DNHD1: variants seen among roughly 807,000 people sequenced by gnomAD.
DNHD1 encodes the protein dynein heavy chain domain 1.
A neutral mutation model predicts 458.1 loss-of-function variants in DNHD1; 383 were observed. That is an observed-to-expected ratio of 0.84 (90% CI 0.77 to 0.91). The LOEUF is 0.91. Among genes scored for constraint, DNHD1 ranks in the 40% least tolerant of loss-of-function variants. DNHD1 has a pLI of 0.00. For synonymous variants in DNHD1, 2,203 were observed against 2,376.9 expected (o/e 0.93, Z 2.13); for missense variants, 5,336 against 5,866.1 (o/e 0.91, Z 2.95).
At chr11:6,520,778 T>C (rs927295259) in intron 10 of DNHD1, 2 of 995,134 alleles carry the variant, frequency 2.0e-6, no homozygotes, top group Non-Finnish European at 2.4e-6. Context: ...TTCACACTTA[T>C]TAACCATCAG....
Position 6,571,624 on chromosome 11 carries a change from T to C in DNHD1, c.13912-12T>C. On this transcript the variant is annotated splice_polypyrimidine_tract_variant and intron_variant, in intron 42 of 42. Transcript: ENST00000254579. This position sits in a 1 kb window ranked among gnomAD's most constrained non-coding sequence, Gnocchi z 5.0. ...TTCCTAGCCTTGCCTGACCAGCTTC[T>C]GACGCCCCCAGGTGGAGAATGGTCC... The C allele has an allele frequency of 6.5e-7, 1 of 1,546,760 alleles. No homozygotes were observed. The highest frequency in any genetic ancestry group is 8.7e-7 in the Non-Finnish European group (1 of 1,143,046).
Position 6,546,214 on chromosome 11 carries a change from C to T in DNHD1, c.5275C>T (p.Leu1759=). The change falls in exon 21 of 43, where the codon CTG becomes TTG. Residue 1759 remains leucine, a synonymous_variant. Transcript: ENST00000254579. ...LSALGQRLGE[L]HHLYAPLYQE... ...TGCCCTGGGCCAGCGCCTGGGTGAA[C>T]TGCACCACTTGTATGCCCCACTGTA... The T allele has an allele frequency of 6.4e-7, 1 of 1,551,490 alleles. No individual in the cohort carries two copies.
chr11:6,503,040 ACTC>A (rs1453117084), intron 4 of DNHD1, 114 bp downstream of exon 4: 18 of 1,138,916 alleles, frequency 1.6e-5, no homozygotes, highest in Non-Finnish European at 2.0e-5. Flanking sequence ...TTCTCCACAT[ACTC>A]CTCCTCTGAC....
intron 7 of DNHD1, among the ~76,000 whole-genome samples, chr11:6,517,185 G>A (rs1405420039): frequency 6.6e-6 from 1 of 152,322 alleles, no homozygotes; most frequent in Non-Finnish European, 1.5e-5. Flanking sequence ...TATATTCAAG[G>A]TGTACAATGT....
chr11:6,546,830 G>T lies in DNHD1; in HGVS notation c.5891G>T (p.Gly1964Val). 1 of 1,551,828 alleles carries T rather than the reference G, an allele frequency of 6.4e-7. No individual in the cohort carries two copies. The highest frequency in any genetic ancestry group is 8.7e-7 in the Non-Finnish European group (1 of 1,147,022). Residue 1964 changes from glycine (G) to valine (V), a missense_variant, in exon 21 of 43, where the codon GGT becomes GTT. By Grantham distance (109) the Gly-to-Val change is moderately radical. Coordinates refer to ENST00000254579, the MANE Select transcript of DNHD1 (RefSeq NM_144666.3). Reference sequence around the variant, plus strand: ...GTGGTGGAGGAACTGCAACAGGTAGGTCTGGATCCCAGCCCTGACATTTTG... The same window carrying T: ...GTGGTGGAGGAACTGCAACAGGTAGTTCTGGATCCCAGCCCTGACATTTTG... ...PLVVEELQQVGLDPSPDILGS... is the reference protein window; with the variant it reads ...PLVVEELQQVVLDPSPDILGS...
chr11:6,512,235 T>TC (rs1564997080), intron 7 of DNHD1, among the ~76,000 whole-genome samples: 1 of 131,954 alleles, frequency 7.6e-6, no homozygotes, highest in Non-Finnish European at 1.6e-5. Flanking sequence ...TTTTTTTTTT[T>TC]TTTGAGACGG....
intron 25 of DNHD1, 94 bp downstream of exon 25, chr11:6,558,391 G>A: frequency 6.5e-7 from 1 of 1,535,300 alleles, no homozygotes; most frequent in South Asian, 1.2e-5. Flanking sequence ...CATGAGGGCT[G>A]AGAAGATTGG....
chr11:6,566,604 C>T lies in DNHD1; in HGVS notation c.11224C>T (p.Leu3742=), dbSNP rs755599354. Residue 3742 remains leucine (L), a synonymous_variant, in exon 35 of 43, where the codon CTA becomes TTA. Coordinates refer to ENST00000254579, the MANE Select transcript of DNHD1 (RefSeq NM_144666.3). ...AMEKVLGCEL[L]KGLNVLDLGL... is the part of the protein sequence containing the mutation. ...ACCCCAAGTGCTAGGTTGTGAACTG[C>T]TAAAGGGGCTGAATGTGTTGGATCT... The T allele has an allele frequency of 8.1e-6, 13 of 1,613,770 alleles. No homozygotes were observed. Among genetic ancestry groups the T allele is most frequent in the Non-Finnish European group, 1.1e-5 (13 of 1,179,816 alleles).
chr11:6,521,507 T>A (rs779950657), intron 10 of DNHD1, among the ~76,000 whole-genome samples: 19 of 152,322 alleles, frequency 1.2e-4, no homozygotes, highest in Non-Finnish European at 2.6e-4. Context: ...GGGTGAAATG[T>A]CATAATGCTT....
chr11:6,508,661 C>A (rs951552504), intron 4 of DNHD1: 1 of 537,624 alleles, frequency 1.9e-6, no homozygotes, highest in Non-Finnish European at 3.3e-6. Flanking sequence ...GGCTAGGTGC[C>A]TTTTTCTTTC....
At chr11:6,497,378 C>T (rs185621670) in intron 1 of DNHD1, 47 bp downstream of exon 1, 1 of 152,568 alleles carries the variant, frequency 6.6e-6, no homozygotes, top group Admixed American at 6.5e-5. Flanking sequence ...CCTAGGACCC[C>T]CTCCCACAGA....
intron 12 of DNHD1, among the ~76,000 whole-genome samples, chr11:6,530,362 C>T (rs541092397): frequency 6.6e-6 from 1 of 152,264 alleles, no homozygotes; most frequent in South Asian, 2.1e-4. Flanking sequence ...TTTCTTTCTT[C>T]CTTCCCATGG....
intron 16 of DNHD1, 120 bp from the exon 17 acceptor site, chr11:6,539,099 C>T: frequency 1.4e-6 from 1 of 726,410 alleles, no homozygotes; most frequent in Non-Finnish European, 2.3e-6. Flanking sequence ...GTGTTGTGCT[C>T]TGAGATCTGC....
chr11:6,535,841 A>T (rs549890976), intron 14 of DNHD1, among the ~76,000 whole-genome samples: 1 of 152,324 alleles, frequency 6.6e-6, no homozygotes, highest in Admixed American at 6.5e-5. Context: ...ATCTAGGGCA[A>T]ATTTGATGAG....
chr11:6,520,481 A>G, intron 10 of DNHD1, 192 bp downstream of exon 10: 1 of 1,440,632 alleles, frequency 6.9e-7, no homozygotes, highest in Non-Finnish European at 9.1e-7. Context: ...TTGCTCACAA[A>G]TTCACGTGGT....
chr11:6,529,767 C>T (rs1351848208), intron 12 of DNHD1, among the ~76,000 whole-genome samples: 4 of 152,200 alleles, frequency 2.6e-5, no homozygotes, highest in Non-Finnish European at 4.4e-5. Flanking sequence ...CTCTGCCCTC[C>T]TGACATTGCT....
At position 6,546,775 on chromosome 11, in the gene DNHD1, C is replaced by A; in HGVS notation, c.5836C>A (p.Pro1946Thr). ...FPSASQVLAE[P>T]MTYKLMKPLV... ...TAGCGCCAGCCAAGTGCTGGCAGAA[C>A]CTATGACTTACAAGCTGATGAAGCC... The change falls in exon 21 of 43, where the codon CCT becomes ACT. Residue 1946 changes from proline to threonine, a missense_variant. Physicochemically the swap from Pro to Thr is conservative, Grantham distance 38 (BLOSUM62 -1). Around this residue, in one of 4 missense-constraint regions of DNHD1, gnomAD observed 3,932 missense variants for 4,365.6 expected, o/e 0.90. Transcript: ENST00000254579. The A allele has an allele frequency of 2.6e-6, 4 of 1,551,808 alleles. No individual in the cohort carries two copies. Among genetic ancestry groups the A allele is most frequent in the Non-Finnish European group, 3.5e-6 (4 of 1,147,008 alleles).
intron 14 of DNHD1, among the ~76,000 whole-genome samples, chr11:6,534,403 G>A (rs1852896148): frequency 1.3e-5 from 2 of 152,112 alleles, no homozygotes; most frequent in Non-Finnish European, 2.9e-5. Flanking sequence ...AGTCTGGTAA[G>A]GAAGGCAAAC....
Position 6,497,934 on chromosome 11 carries a change from CTT to C in DNHD1, c.-280_-279del. On this transcript the variant is annotated 5_prime_UTR_variant, in exon 3 of 43. The change creates a premature stop within an existing upstream ORF in the 5' untranslated region. Transcript: ENST00000254579. The stretch of plus-strand genomic sequence containing the variant: ...TCTTAGGCCTGCTCCTTACCAGAGT[CTT>C]TGGGGAAGCAGTAGGGAGGGCCTGA... The C allele has an allele frequency of 2.0e-6, 1 of 487,858 alleles. No homozygotes were observed. Among genetic ancestry groups the C allele is most frequent in the Non-Finnish European group, 3.7e-6 (1 of 268,776 alleles). The allele number at this position is 487,858 out of a possible 1,614,324, so 30.2% of individuals were successfully genotyped here. A position where few individuals can be genotyped will look rare whatever the true frequency, so the allele number is the denominator to read the frequency against.
Sources: gnomAD v4.1 joint callset for allele counts (sites outside exome capture counted in the v4.1 genomes callset) on GRCh38, gnomAD v4.1.1 for gene constraint, gnomAD v4.1.1 regional missense constraint, Gnocchi (gnomAD v3.1) non-coding constraint, MANE v1.5 for transcripts, NCBI Gene and HGNC (gene_info 2026-07-23, HGNC 2026-07-21) for gene names.